CRYBG3: variants seen among roughly 807,000 people sequenced by gnomAD.
CRYBG3 encodes crystallin beta-gamma domain containing 3.
Under a neutral mutation model 244.2 loss-of-function variants are expected in CRYBG3, and 127 were observed. The ratio of observed to expected loss-of-function variants is 0.52; its 90% confidence interval spans 0.45 to 0.60. CRYBG3 has a LOEUF of 0.60. Among genes scored for constraint, CRYBG3 ranks in the 20% least tolerant of loss-of-function variants. CRYBG3 has a pLI of 0.00. For synonymous variants in CRYBG3, 1,132 were observed against 1,195.8 expected, an observed-to-expected ratio of 0.95 and a Z score of 1.10; for missense variants, 3,325 against 3,442.5, an observed-to-expected ratio of 0.97 and a Z score of 0.85.
rs977508635 is a variant in CRYBG3 at position 97,943,901 on chromosome 3, A to C, written c.*587A>C. 2.0e-5 allele frequency: 3 copies of C among 151,954 alleles called. No individual in the cohort carries two copies. Among genetic ancestry groups the C allele is most frequent in the African/African-American group, 4.8e-5 (2 of 41,428 alleles). The allele number at this position is 151,954 out of a possible 1,614,324, so 9.4% of individuals were successfully genotyped here. A position where few individuals can be genotyped will look rare whatever the true frequency, so the allele number is the denominator to read the frequency against. ...GTAACTAACCCCAGGCAGGGACCTC[A>C]GCTTTGTTAGGAATAAGGCACAAGA... is the stretch of plus-strand genomic sequence containing the variant. On this transcript the variant is annotated 3_prime_UTR_variant, in exon 22 of 22. Coordinates refer to ENST00000389622, the MANE Select transcript of CRYBG3 (RefSeq NM_153605.4).
rs561572751 is a variant in CRYBG3 at position 97,876,057 on chromosome 3, T to A, written c.4863T>A (p.Ala1621=). 2.1e-5 allele frequency: 26 copies of A among 1,232,016 alleles called. No individual in the cohort carries two copies. In the East Asian group the frequency reaches 6.6e-4, roughly 31 times the overall value. The allele number at this position is 1,232,016 out of a possible 1,614,324, so 76.3% of individuals were successfully genotyped here. ...CTGTCATTTTAGGAATGGAAAAAGC[T>A]TATAAGATGAAGGATACTGAAGGGG... ...GSAVILGMEK[A]YKMKDTEGDI... The change falls in exon 4 of 22, where the codon GCT becomes GCA. Residue 1621 remains alanine (A), a synonymous_variant. Transcript: ENST00000389622.
rs1186897183 is a variant in CRYBG3 at position 97,874,657 on chromosome 3, G to A, written c.3463G>A (p.Gly1155Arg). The change falls in exon 4 of 22, where the codon GGA becomes AGA. Residue 1155 changes from glycine to arginine, a missense_variant. Coordinates refer to ENST00000389622, the MANE Select transcript of CRYBG3 (RefSeq NM_153605.4). The stretch of plus-strand genomic sequence containing the variant: ...TGACAATCTCGTGGAAGCAGAGACT[G>A]GAGCAGTTGCTGGGCCTGCAGCGTC... ...QFDNLVEAET[G>R]AVAGPAASVN... 6.5e-7 allele frequency: 1 copy of A among 1,535,980 alleles called. No homozygotes were observed. The highest frequency in any genetic ancestry group is 8.7e-7 in the Non-Finnish European group (1 of 1,146,836).
intron 1 of CRYBG3, among the ~76,000 whole-genome samples, chr3:97,839,845 A>G (rs2038787458): frequency 6.6e-6 from 1 of 151,476 alleles, no homozygotes; most frequent in African/African-American, 2.4e-5. Context: ...TTGGCCTCCC[A>G]AAGTATTGGG....
At chr3:97,848,647 A>G (rs2038938366) in intron 2 of CRYBG3, among the ~76,000 whole-genome samples, 1 of 152,090 alleles carries the variant, frequency 6.6e-6, no homozygotes, top group Non-Finnish European at 1.5e-5. Context: ...TCTGGCCTCA[A>G]ACTCCTGGGC....
intron 2 of CRYBG3, among the ~76,000 whole-genome samples, chr3:97,860,657 C>T (rs2039132635): frequency 6.6e-6 from 1 of 152,078 alleles, no homozygotes. Flanking sequence ...TTCTTGAGCT[C>T]ACAGTGGCAT....
At position 97,886,725 on chromosome 3, in the gene CRYBG3, T is replaced by C. The variant is rs768454359; in HGVS notation, c.7247T>C (p.Leu2416Pro). 1 of 1,612,502 alleles carries C rather than the reference T, an allele frequency of 6.2e-7. No individual in the cohort carries two copies. Among genetic ancestry groups the C allele is most frequent in the East Asian group, 2.2e-5 (1 of 44,838 alleles). The change falls in exon 8 of 22, where the codon CTG (leucine) becomes CCG (proline). Residue 2416 changes from leucine to proline, a missense_variant. By Grantham distance (98) the Leu-to-Pro change is moderately conservative (BLOSUM62 -3). This residue lies in a region of CRYBG3 where 714 missense variants were observed against 803.6 expected (regional missense o/e 0.89). Transcript: ENST00000389622. ...IQRAVPNLEE[L>P]NISKSVSFTV... ...AGAGCAGTCCCCAATTTGGAAGAACTGAATATCTCCAAATCTGTGTCCTTC... is the reference window on the plus strand; with the variant it reads ...AGAGCAGTCCCCAATTTGGAAGAACCGAATATCTCCAAATCTGTGTCCTTC...
chr3:97,869,215 CCATT>C (rs577124851), intron 3 of CRYBG3, among the ~76,000 whole-genome samples: 375 of 151,876 alleles, frequency 2.5e-3, no homozygotes, highest in African/African-American at 8.3e-3. Context: ...TTTATATTCG[CCATT>C]CATTCATTCA....
chr3:97,901,356 T>A (rs1345694048), intron 15 of CRYBG3, among the ~76,000 whole-genome samples: 1 of 152,240 alleles, frequency 6.6e-6, no homozygotes, highest in East Asian at 1.9e-4. Context: ...TGCCTTTACA[T>A]AATGCTCAGT....
chr3:97,853,113 A>C lies in CRYBG3; in HGVS notation c.216+9852A>C, dbSNP rs374609960. Among the ~76,000 whole-genome samples the C allele has an allele frequency of 6.6e-5, 10 of 152,246 alleles. No homozygotes were observed. The South Asian group carries it at 1.9e-3, about 28-fold the overall frequency. On this transcript the variant is annotated intron_variant, in intron 2 of 21. Coordinates refer to ENST00000389622, the MANE Select transcript of CRYBG3 (RefSeq NM_153605.4). ...TGAGATTTTGGTATACCCATCACCC[A>C]AGCAGTGTACACTGTACCCAATGTG...
rs993885581 is a variant in CRYBG3 at position 97,878,057 on chromosome 3, G to A, written c.6843+20G>A. 1.2e-5 allele frequency: 18 copies of A among 1,560,860 alleles called. No homozygotes were observed. Among genetic ancestry groups the A allele is most frequent in the Non-Finnish European group, 1.6e-5 (18 of 1,154,802 alleles). Reference sequence around the variant, plus strand: ...ATAGAGGTAAGTTATTTTGTTTATTGTATTAATAATAGTTATTAAAGCTTT... The same window carrying A: ...ATAGAGGTAAGTTATTTTGTTTATTATATTAATAATAGTTATTAAAGCTTT... On this transcript the variant is annotated intron_variant, in intron 4 of 21. Coordinates refer to ENST00000389622, the MANE Select transcript of CRYBG3 (RefSeq NM_153605.4).
Position 97,840,385 on chromosome 3 carries a change from G to A in CRYBG3, c.150-2810G>A, listed in dbSNP as rs2038794991. Among the ~76,000 whole-genome samples the A allele has an allele frequency of 2.0e-5, 3 of 152,062 alleles. No homozygotes were observed. In the South Asian group the frequency reaches 6.2e-4, roughly 32 times the overall value. ...CAACACATTTTAAAATTTTGGTTTAGCAATAAGAATCATGCAACTTAAAGG... is the reference window on the plus strand; with the variant it reads ...CAACACATTTTAAAATTTTGGTTTAACAATAAGAATCATGCAACTTAAAGG... On this transcript the variant is annotated intron_variant, in intron 1 of 21. Coordinates refer to ENST00000389622, the MANE Select transcript of CRYBG3 (RefSeq NM_153605.4).
At chr3:97,860,631 A>T (rs2039132144) in intron 2 of CRYBG3, among the ~76,000 whole-genome samples, 1 of 152,094 alleles carries the variant, frequency 6.6e-6, no homozygotes, top group African/African-American at 2.4e-5. Flanking sequence ...ACTAGTGAGG[A>T]AGATAGTCCT....
chr3:97,823,379 G>T (rs1326111946), intron 1 of CRYBG3, among the ~76,000 whole-genome samples: 2 of 152,154 alleles, frequency 1.3e-5, no homozygotes, highest in East Asian at 3.8e-4. Context: ...ACAGAACTGA[G>T]AGTGAGCCAA....
intron 15 of CRYBG3, among the ~76,000 whole-genome samples, chr3:97,904,547 A>C (rs948618866): frequency 6.6e-6 from 1 of 152,148 alleles, no homozygotes; most frequent in Non-Finnish European, 1.5e-5. Flanking sequence ...TCATGGCTTC[A>C]TTGTGAAAAT....
At chr3:97,868,110 T>G (rs1380290650) in intron 3 of CRYBG3, among the ~76,000 whole-genome samples, 1 of 151,884 alleles carries the variant, frequency 6.6e-6, no homozygotes, top group East Asian at 1.9e-4. Context: ...GGTGAAACCC[T>G]TTCTCTACTA....
chr3:97,869,215 CCATTCATT>C (rs577124851), intron 3 of CRYBG3, among the ~76,000 whole-genome samples: 1 of 151,764 alleles, frequency 6.6e-6, no homozygotes, highest in East Asian at 1.9e-4. Flanking sequence ...TTTATATTCG[CCATTCATT>C]CATTCATTCA....
chr3:97,886,788 A>T (rs759684617), intron 8 of CRYBG3, 21 bp downstream of exon 8: 127 of 1,523,820 alleles, frequency 8.3e-5, no homozygotes, highest in Middle Eastern at 5.3e-4. Context: ...GTTCCTTTTT[A>T]TTATAGTGAT....
At chr3:97,839,570 A>T (rs1373734976) in intron 1 of CRYBG3, among the ~76,000 whole-genome samples, 4 of 152,126 alleles carry the variant, frequency 2.6e-5, no homozygotes, top group African/African-American at 7.2e-5. Context: ...AAAAAGACTG[A>T]TGTTATAATT....
chr3:97,870,313 G>A (rs1316880020), intron 3 of CRYBG3, among the ~76,000 whole-genome samples: 2 of 152,038 alleles, frequency 1.3e-5, no homozygotes, highest in Admixed American at 1.3e-4. Context: ...CACTCAATTA[G>A]GCCCCAGTGT....
Sources: gnomAD v4.1 joint callset for allele counts (sites outside exome capture counted in the v4.1 genomes callset) on GRCh38, gnomAD v4.1.1 for gene constraint, gnomAD v4.1.1 regional missense constraint, MANE v1.5 for transcripts, NCBI Gene and HGNC (gene_info 2026-07-23, HGNC 2026-07-21) for gene names.